Variants in RYR3 observed in about 807,000 individuals in gnomAD.
RYR3 encodes brain ryanodine receptor-calcium release channel.
RYR3 carries 207 observed loss-of-function variants against 584.3 expected under a neutral mutation model. That is an observed-to-expected ratio of 0.35 (90% CI 0.32 to 0.40). The LOEUF is 0.40. Among genes scored for constraint, RYR3 ranks in the 10% least tolerant of loss-of-function variants. RYR3 has a pLI of 1.00. For missense variants in RYR3, 5,616 were observed against 6,089.2 expected (o/e 0.92, Z 2.59); for synonymous variants, 2,416 against 2,248.5 (o/e 1.07, Z -2.11).
chr15:33,358,578 G>A (rs1974307975), intron 1 of RYR3, among the ~76,000 whole-genome samples: 1 of 150,932 alleles, frequency 6.6e-6, no homozygotes, highest in Non-Finnish European at 1.5e-5. Context: ...TGCAGCTGTG[G>A]TCCTTAATCC....
chr15:33,705,226 A>T (rs1196444680), intron 42 of RYR3, among the ~76,000 whole-genome samples: 1 of 151,922 alleles, frequency 6.6e-6, no homozygotes, highest in Non-Finnish European at 1.5e-5. Context: ...CTTCCCTGAC[A>T]TTTTAAAGAC....
At chr15:33,324,138 A>G (rs1156365732) in intron 1 of RYR3, among the ~76,000 whole-genome samples, 1 of 145,234 alleles carries the variant, frequency 6.9e-6, no homozygotes, top group African/African-American at 2.8e-5. Context: ...TTTATCTCCA[A>G]GGCATTTGCC....
intron 1 of RYR3, among the ~76,000 whole-genome samples, chr15:33,328,847 T>C (rs1408299764): frequency 6.6e-6 from 1 of 152,206 alleles, no homozygotes; most frequent in Non-Finnish European, 1.5e-5. Context: ...ATCCTTTGCT[T>C]ACTTTTTCTA....
In RYR3 at chr15:33,649,156, T is replaced by C; in HGVS notation, c.4063T>C (p.Tyr1355His). The change falls in exon 31 of 104, where the codon TAC becomes CAC. Residue 1355 changes from tyrosine (Y) to histidine (H), a missense_variant. Physicochemically the swap from Tyr to His is moderately conservative, Grantham distance 83. Coordinates refer to ENST00000634891, the MANE Select transcript of RYR3 (RefSeq NM_001036.6). Reference protein sequence around the residue: ...VGWVTPDYHLYSEKFDLNKNC... With the variant: ...VGWVTPDYHLHSEKFDLNKNC... ...ATGGGTGACTCCAGACTATCACTTGTACAGTGAAAAGTTTGACCTGAATAA... is the reference window on the plus strand; with the variant it reads ...ATGGGTGACTCCAGACTATCACTTGCACAGTGAAAAGTTTGACCTGAATAA... 1.9e-6 allele frequency: 3 copies of C among 1,613,776 alleles called. No homozygotes were observed. Among genetic ancestry groups the C allele is most frequent in the Non-Finnish European group, 1.7e-6 (2 of 1,179,794 alleles).
intron 1 of RYR3, among the ~76,000 whole-genome samples, chr15:33,394,857 T>G (rs1290589929): frequency 1.3e-5 from 2 of 151,984 alleles, no homozygotes; most frequent in Non-Finnish European, 2.9e-5. Flanking sequence ...TTCTGAGAGA[T>G]GAATGGAAAT....
chr15:33,644,250 C>T, intron 27 of RYR3, 61 bp from the exon 28 acceptor site: 1 of 1,357,522 alleles, frequency 7.4e-7, no homozygotes, highest in Non-Finnish European at 1.0e-6. Context: ...GATTCAGCTG[C>T]CTCGGAGTTT....
intron 32 of RYR3, among the ~76,000 whole-genome samples, chr15:33,655,692 C>A (rs548784531): frequency 2.6e-5 from 4 of 152,118 alleles, no homozygotes; most frequent in African/African-American, 9.7e-5. Flanking sequence ...AGAATGCTGC[C>A]GCAAAGGAGA....
At chr15:33,691,374 A>G (rs1173037131) in intron 38 of RYR3, among the ~76,000 whole-genome samples, 1 of 152,236 alleles carries the variant, frequency 6.6e-6, no homozygotes, top group Non-Finnish European at 1.5e-5. Flanking sequence ...GGTTAATCAG[A>G]AAAGTCTTTA....
chr15:33,751,645 G>A (rs1008317834), intron 57 of RYR3, among the ~76,000 whole-genome samples: 20 of 151,760 alleles, frequency 1.3e-4, no homozygotes, highest in Non-Finnish European at 8.8e-5. Flanking sequence ...TTGTCAGACA[G>A]ATAGATTGCA....
At chr15:33,594,708 AC>A (rs1200881909) in intron 16 of RYR3, among the ~76,000 whole-genome samples, 16 of 152,148 alleles carry the variant, frequency 1.1e-4, no homozygotes, top group African/African-American at 3.6e-4. Flanking sequence ...CTGATTATAA[AC>A]CCACCTTTTA....
chr15:33,722,887 A>G lies in RYR3; in HGVS notation c.6792A>G (p.Lys2264=), dbSNP rs1410918425. Residue 2264 remains lysine (K), a synonymous_variant, in exon 44 of 104, where the codon AAA becomes AAG. Coordinates refer to ENST00000634891, the MANE Select transcript of RYR3 (RefSeq NM_001036.6). ...TCGACCTCCCCTCTCAAGGATACAA[A>G]AGAGAAGTGTAAGTGAATGGAATTC... ...PALDLPSQGY[K]REVSTGDDEE... 1.3e-6 allele frequency: 2 copies of G among 1,573,868 alleles called. No individual in the cohort carries two copies. The highest frequency in any genetic ancestry group is 1.7e-6 in the Non-Finnish European group (2 of 1,163,314).
chr15:33,529,330 A>G (rs2054654584), intron 3 of RYR3, among the ~76,000 whole-genome samples: 5 of 152,176 alleles, frequency 3.3e-5, no homozygotes, highest in Admixed American at 2.6e-4. Flanking sequence ...ATTATGTGAC[A>G]TGAAAAATCA....
chr15:33,442,555 A>G (rs2596240), intron 1 of RYR3, among the ~76,000 whole-genome samples: 43,758 of 152,144 alleles, frequency 0.29, 9,454 homozygotes, highest in African/African-American at 0.61. Flanking sequence ...GCAAAGACGT[A>G]TCATGTAATA....
intron 1 of RYR3, among the ~76,000 whole-genome samples, chr15:33,380,642 G>GT (rs946610914): frequency 1.3e-5 from 2 of 152,226 alleles, no homozygotes; most frequent in Non-Finnish European, 2.9e-5. Context: ...ATCTTCCAAA[G>GT]TACAGCCAGT....
At chr15:33,507,634 C>T (rs2052594348) in intron 3 of RYR3, among the ~76,000 whole-genome samples, 1 of 152,054 alleles carries the variant, frequency 6.6e-6, no homozygotes, top group Non-Finnish European at 1.5e-5. Flanking sequence ...AAGAGATGTC[C>T]CCACCTCCCT....
rs143090836 is a variant in RYR3 at position 33,745,673 on chromosome 15, G to A, written c.7900-395G>A. Among the ~76,000 whole-genome samples the A allele has an allele frequency of 4.0e-3, 605 of 152,312 alleles. 2 individuals carry two copies. Among genetic ancestry groups the A allele is most frequent in the Non-Finnish European group, 6.5e-3 (442 of 68,028 alleles). ...TGGCACTGGCAGGCAAGGGTTGCAA[G>A]GCAAATGGCCCCTCTAGGCAGTGGC... On this transcript the variant is annotated intron_variant, in intron 52 of 103. Transcript: ENST00000634891.
intron 42 of RYR3, among the ~76,000 whole-genome samples, chr15:33,705,849 T>C (rs988187868): frequency 6.6e-6 from 1 of 152,246 alleles, no homozygotes; most frequent in African/African-American, 2.4e-5. Flanking sequence ...ATTGTAGCCT[T>C]GCAATACCAT....
intron 27 of RYR3, among the ~76,000 whole-genome samples, chr15:33,641,456 A>AT (rs755987475): frequency 2.6e-5 from 4 of 152,216 alleles, no homozygotes; most frequent in Non-Finnish European, 5.9e-5. Flanking sequence ...TCTGTCTTTC[A>AT]TGAAGAGTTA....
At chr15:33,843,596 A>C in intron 92 of RYR3, 22 bp downstream of exon 92, 2 of 1,452,868 alleles carry the variant, frequency 1.4e-6, no homozygotes, top group Non-Finnish European at 1.9e-6. Context: ...TTCAGGGGTT[A>C]TTTGCTAAAT....
Sources: allele counts gnomAD v4.1 joint callset (sites outside exome capture counted in the v4.1 genomes callset), GRCh38; gene constraint gnomAD v4.1.1; transcripts MANE v1.5; gene names NCBI Gene and HGNC (gene_info 2026-07-23, HGNC 2026-07-21).